Variants in AGBL4 observed in about 807,000 individuals in gnomAD.
The protein encoded by AGBL4 is cytosolic carboxypeptidase 6.
In AGBL4, 58 loss-of-function variants were observed where a neutral mutation model predicts 66.4. That is an observed-to-expected ratio of 0.87 (90% CI 0.71 to 1.09). The LOEUF (loss-of-function observed/expected upper bound fraction) is 1.09, where lower values mean the gene tolerates loss of function less well. Ranked by LOEUF, AGBL4 falls within the 50% of genes least tolerant of loss-of-function variation. AGBL4 has a pLI of 0.00. For synonymous variants in AGBL4, 234 were observed against 222.9 expected (o/e 1.05, Z -0.44); for missense variants, 579 against 631.0 (o/e 0.92, Z 0.88).
chr1:49,222,436 A>C lies in AGBL4; in HGVS notation c.377+23334T>G, dbSNP rs550285788. The stretch of plus-strand genomic sequence containing the variant: ...GAACTTATAACAAAAATAAAGACTT[A>C]TTCTGTGGATATGCACGTTCTGCAT... On this transcript the variant is annotated intron_variant, in intron 4 of 13. Transcript: ENST00000371839. Among the ~76,000 whole-genome samples, 6 of 152,346 alleles carry C rather than the reference A, an allele frequency of 3.9e-5. No individual in the cohort carries two copies. The East Asian group carries it at 1.2e-3, about 29-fold the overall frequency.
intron 2 of AGBL4, among the ~76,000 whole-genome samples, chr1:49,832,715 T>A (rs1401119263): frequency 6.6e-6 from 1 of 152,160 alleles, no homozygotes. Flanking sequence ...GGTATCTCAT[T>A]GTGGTTTTGA....
At chr1:49,717,390 T>A (rs1648234601) in intron 2 of AGBL4, among the ~76,000 whole-genome samples, 1 of 152,082 alleles carries the variant, frequency 6.6e-6, no homozygotes, top group African/African-American at 2.4e-5. Context: ...TAGCATTTTA[T>A]TCAGAGTAAA....
Position 49,468,565 on chromosome 1 carries a change from T to C in AGBL4, c.283-222701A>G, listed in dbSNP as rs572301321. ...GCTCTTATGGATTATCCCTATGCAA[T>C]TGCCCATAATCTATTCCTGTAATAC... On this transcript the variant is annotated intron_variant, in intron 3 of 13. Coordinates refer to ENST00000371839, the MANE Select transcript of AGBL4 (RefSeq NM_032785.4). Among the ~76,000 whole-genome samples the C allele has an allele frequency of 4.6e-5, 7 of 151,998 alleles. No individual in the cohort carries two copies. In the South Asian group the frequency reaches 8.3e-4, roughly 18 times the overall value.
At chr1:49,287,355 T>C (rs1158639113) in intron 3 of AGBL4, among the ~76,000 whole-genome samples, 6 of 146,224 alleles carry the variant, frequency 4.1e-5, no homozygotes, top group Non-Finnish European at 7.5e-5. Flanking sequence ...AAGCCAAAAT[T>C]GACAAATGGG....
At chr1:48,744,067 C>G (rs1434229999) in intron 6 of AGBL4, among the ~76,000 whole-genome samples, 1 of 152,208 alleles carries the variant, frequency 6.6e-6, no homozygotes, top group African/African-American at 2.4e-5. Flanking sequence ...CCTGGCTACA[C>G]TATATTTTAA....
intron 1 of AGBL4, among the ~76,000 whole-genome samples, chr1:49,947,678 T>G (rs1655344405): frequency 6.6e-6 from 1 of 151,410 alleles, no homozygotes; most frequent in Non-Finnish European, 1.5e-5. Flanking sequence ...AATATAGTAC[T>G]GGAAGTCCTA....
chr1:50,002,433 G>A (rs1181100443), intron 1 of AGBL4, among the ~76,000 whole-genome samples: 6 of 141,866 alleles, frequency 4.2e-5, no homozygotes, highest in African/African-American at 1.1e-4. Context: ...GCAGTGGCGC[G>A]ATCTCGGCTC....
intron 3 of AGBL4, among the ~76,000 whole-genome samples, chr1:49,503,288 G>A (rs960397776): frequency 2.0e-5 from 3 of 152,172 alleles, no homozygotes; most frequent in Non-Finnish European, 2.9e-5. Context: ...CCTTCACCTA[G>A]ATTTCAGAGG....
rs141873020 is a variant in AGBL4, at chr1:49,711,936, G to A, written c.158-14499C>T. Reference sequence around the variant, plus strand: ...GTAAATCTGTCTCTATCACTTAATAGCTTTGTTTCTTTGGAAAAATTAATT... The same window carrying A: ...GTAAATCTGTCTCTATCACTTAATAACTTTGTTTCTTTGGAAAAATTAATT... On this transcript the variant is annotated intron_variant, in intron 2 of 13. Transcript: ENST00000371839. 1.4e-3 allele frequency among the ~76,000 whole-genome samples: 206 copies of A among 151,994 alleles called. 1 individual carries two copies. Among genetic ancestry groups the A allele is most frequent in the African/African-American group, 4.8e-3 (200 of 41,536 alleles).
chr1:49,278,337 A>T (rs544815063), intron 3 of AGBL4, among the ~76,000 whole-genome samples: 1 of 152,280 alleles, frequency 6.6e-6, no homozygotes, highest in South Asian at 2.1e-4. Context: ...ACAGACGAAT[A>T]TTTTTTTATT....
rs111650471 is a variant in AGBL4, at chr1:49,595,898, C to G, written c.282+101415G>C. On this transcript the variant is annotated intron_variant, in intron 3 of 13. Coordinates refer to ENST00000371839, the MANE Select transcript of AGBL4 (RefSeq NM_032785.4). ...AAACGTTTTCCCAGAGCAGCTCAGCCTAGGAGCACTTAAACTGGATTCCAA... is the reference window on the plus strand; with the variant it reads ...AAACGTTTTCCCAGAGCAGCTCAGCGTAGGAGCACTTAAACTGGATTCCAA... Among the ~76,000 whole-genome samples, 400 of 152,226 alleles carry G rather than the reference C, an allele frequency of 2.6e-3. 5 individuals are homozygous for G. The highest frequency in any genetic ancestry group is 9.1e-3 in the African/African-American group (376 of 41,530).
chr1:48,637,179 T>C (rs911970593), intron 8 of AGBL4, among the ~76,000 whole-genome samples: 19 of 152,354 alleles, frequency 1.2e-4, no homozygotes, highest in Middle Eastern at 3.4e-3. Flanking sequence ...TTGTTGTTTT[T>C]ATTGGTCTGT....
chr1:49,789,292 C>A (rs536219938), intron 2 of AGBL4, among the ~76,000 whole-genome samples: 6 of 152,034 alleles, frequency 3.9e-5, no homozygotes, highest in Non-Finnish European at 7.4e-5. Context: ...GGATATTGGA[C>A]TGAAGTTTTC....
At chr1:49,559,290 G>T (rs1215967685) in intron 3 of AGBL4, among the ~76,000 whole-genome samples, 1 of 152,164 alleles carries the variant, frequency 6.6e-6, no homozygotes, top group Non-Finnish European at 1.5e-5. Context: ...TAGTAATCCA[G>T]AGAATTCTAA....
chr1:49,724,838 C>A (rs1384338470), intron 2 of AGBL4, among the ~76,000 whole-genome samples: 1 of 152,096 alleles, frequency 6.6e-6, no homozygotes, highest in African/African-American at 2.4e-5. Context: ...AGGAAGGTAG[C>A]TCTCACAAGA....
rs574189868 is a variant in AGBL4 at position 49,838,164 on chromosome 1, A to C, written c.157+13232T>G. On this transcript the variant is annotated intron_variant, in intron 2 of 13. Transcript: ENST00000371839. ...TAACACAGAGATTAACAACAGTGAGAAGTGTCTAGTGTACTCATAGACAAA... is the reference window on the plus strand; with the variant it reads ...TAACACAGAGATTAACAACAGTGAGCAGTGTCTAGTGTACTCATAGACAAA... Among the ~76,000 whole-genome samples the C allele has an allele frequency of 2.0e-3, 299 of 152,318 alleles. 10 individuals carry two copies. The South Asian group carries it at 0.061, about 31-fold the overall frequency.
downstream of AGBL4, among the ~76,000 whole-genome samples, chr1:48,531,068 G>T (rs1338061304): frequency 6.6e-6 from 1 of 152,072 alleles, no homozygotes; most frequent in Admixed American, 6.5e-5. Flanking sequence ...AGCTAAGCAG[G>T]CCAAGACCAC....
chr1:49,440,215 G>T (rs901384063), intron 3 of AGBL4, among the ~76,000 whole-genome samples: 1 of 151,790 alleles, frequency 6.6e-6, no homozygotes, highest in Non-Finnish European at 1.5e-5. Flanking sequence ...GATTATAGGC[G>T]CCCGCCACCA....
chr1:49,027,287 A>G (rs920622991), intron 5 of AGBL4, among the ~76,000 whole-genome samples: 1 of 151,896 alleles, frequency 6.6e-6, no homozygotes, highest in Non-Finnish European at 1.5e-5. Context: ...AAGCTTCCCG[A>G]GTAGCTGAGA....
Sources: gnomAD v4.1 joint callset for allele counts (sites outside exome capture counted in the v4.1 genomes callset) on GRCh38, gnomAD v4.1.1 for gene constraint, MANE v1.5 for transcripts, NCBI Gene and HGNC (gene_info 2026-07-23, HGNC 2026-07-21) for gene names.